CNTN5: variants seen among roughly 807,000 people sequenced by gnomAD.
CNTN5 encodes the protein contactin 5.
Under a neutral mutation model 129.1 loss-of-function variants are expected in CNTN5, and 77 were observed. The ratio of observed to expected loss-of-function variants is 0.60; its 90% CI spans 0.50 to 0.72. CNTN5 has a LOEUF of 0.72. CNTN5 is among the 30% of genes least tolerant of loss of function. CNTN5 has a pLI of 0.00. For missense variants in CNTN5, 1,478 were observed against 1,328.8 expected (o/e 1.11, Z -1.75); for synonymous variants, 509 against 465.6 (o/e 1.09, Z -1.20).
intron 7 of CNTN5, among the ~76,000 whole-genome samples, chr11:99,926,307 T>A (rs1950061297): frequency 6.6e-6 from 1 of 152,092 alleles, no homozygotes; most frequent in South Asian, 2.1e-4. Flanking sequence ...TCTCAGAGTT[T>A]AAGAAGGGGA....
chr11:100,349,831 A>T (rs1368430488), intron 23 of CNTN5, among the ~76,000 whole-genome samples: 1 of 151,838 alleles, frequency 6.6e-6, no homozygotes, highest in African/African-American at 2.4e-5. Context: ...CAATATAGTA[A>T]AATAGCTCTG....
intron 23 of CNTN5, among the ~76,000 whole-genome samples, chr11:100,344,869 G>A (rs1952244535): frequency 6.6e-6 from 1 of 151,916 alleles, no homozygotes; most frequent in South Asian, 2.1e-4. Flanking sequence ...AGATAAATGT[G>A]CATTAATACC....
intron 15 of CNTN5, among the ~76,000 whole-genome samples, chr11:100,213,313 C>T (rs745974786): frequency 6.6e-6 from 1 of 152,082 alleles, no homozygotes; most frequent in Admixed American, 6.6e-5. Flanking sequence ...ATTCTAAATG[C>T]ACCTGTCAAT....
At chr11:99,467,292 A>G (rs1289555792) in intron 2 of CNTN5, among the ~76,000 whole-genome samples, 4 of 152,102 alleles carry the variant, frequency 2.6e-5, no homozygotes, top group Non-Finnish European at 4.4e-5. Context: ...TGAAAATGCT[A>G]TCCTGCAGTT....
At chr11:100,297,578 G>A (rs200913907) in intron 18 of CNTN5, 47 bp from the exon 19 acceptor site, 4 of 1,268,164 alleles carry the variant, frequency 3.2e-6, no homozygotes, top group Admixed American at 2.3e-5. Flanking sequence ...ATCCAACGTA[G>A]GTTGGGAGTT....
intron 3 of CNTN5, among the ~76,000 whole-genome samples, chr11:99,786,330 A>G (rs955812228): frequency 1.3e-5 from 2 of 152,104 alleles, no homozygotes; most frequent in Non-Finnish European, 2.9e-5. Context: ...GGAGAACTAC[A>G]AACCGCTGCT....
chr11:99,284,615 G>A, intron 1 of CNTN5, among the ~76,000 whole-genome samples: 1 of 62,672 alleles, frequency 1.6e-5, no homozygotes, highest in Non-Finnish European at 3.4e-5. Context: ...GTGTGTGTGT[G>A]TGTGTGTGTG....
intron 18 of CNTN5, among the ~76,000 whole-genome samples, chr11:100,276,547 AAAAAAGG>A (rs1254678995): frequency 1.3e-5 from 2 of 149,476 alleles, no homozygotes; most frequent in African/African-American, 2.5e-5. Context: ...AAAAAAAAAA[AAAAAAGG>A]AAAGAAACAC....
At chr11:99,448,822 G>C (rs1379785356) in intron 2 of CNTN5, among the ~76,000 whole-genome samples, 1 of 148,310 alleles carries the variant, frequency 6.7e-6, no homozygotes, top group Non-Finnish European at 1.5e-5. Flanking sequence ...TTGTTGCCCA[G>C]GCTGGAGAGT....
intron 1 of CNTN5, among the ~76,000 whole-genome samples, chr11:99,200,652 A>G (rs1859123321): frequency 6.6e-6 from 1 of 152,210 alleles, no homozygotes; most frequent in Non-Finnish European, 1.5e-5. Flanking sequence ...CTGCTTAGCC[A>G]TCATGATATA....
intron 6 of CNTN5, among the ~76,000 whole-genome samples, chr11:99,881,514 T>C (rs1022476565): frequency 1.3e-5 from 2 of 152,210 alleles, no homozygotes; most frequent in Non-Finnish European, 2.9e-5. Flanking sequence ...TCCACTATTA[T>C]GAATTACAGC....
chr11:99,362,844 T>A (rs1436578368), intron 2 of CNTN5, among the ~76,000 whole-genome samples: 1 of 152,128 alleles, frequency 6.6e-6, no homozygotes, highest in Non-Finnish European at 1.5e-5. Context: ...GTAAAGTTTA[T>A]TTCTATGCTG....
intron 20 of CNTN5, among the ~76,000 whole-genome samples, chr11:100,302,656 T>C (rs10791312): frequency 0.26 from 38,753 of 151,288 alleles, 6,266 homozygotes; most frequent in East Asian, 0.64. Flanking sequence ...AGAATTTATG[T>C]TATTGGGAGG....
intron 2 of CNTN5, among the ~76,000 whole-genome samples, chr11:99,346,385 A>G (rs1937872874): frequency 6.6e-6 from 1 of 152,188 alleles, no homozygotes; most frequent in East Asian, 1.9e-4. Flanking sequence ...TCTCATCTCC[A>G]CCAATACTCA....
chr11:99,347,332 C>T (rs968110336), intron 2 of CNTN5, among the ~76,000 whole-genome samples: 3 of 152,002 alleles, frequency 2.0e-5, no homozygotes, highest in South Asian at 2.1e-4. Context: ...TGACACAGGG[C>T]GTGGGAAGTG....
intron 3 of CNTN5, among the ~76,000 whole-genome samples, chr11:99,640,285 C>G (rs604534): frequency 0.6 from 91,440 of 152,024 alleles, 28,329 homozygotes; most frequent in Admixed American, 0.69. Context: ...TTGTTTTCAC[C>G]CTGCTGATAA....
intron 1 of CNTN5, among the ~76,000 whole-genome samples, chr11:99,150,895 G>T (rs1428495547): frequency 1.3e-5 from 2 of 151,976 alleles, no homozygotes; most frequent in African/African-American, 4.8e-5. Context: ...GGATATTATT[G>T]AAAAATTGGT....
chr11:99,425,467 T>A (rs1943077735), intron 2 of CNTN5, among the ~76,000 whole-genome samples: 1 of 152,210 alleles, frequency 6.6e-6, no homozygotes, highest in Non-Finnish European at 1.5e-5. Flanking sequence ...ACCCCTTGCC[T>A]CTCTGCTGTG....
intron 6 of CNTN5, among the ~76,000 whole-genome samples, chr11:99,886,611 A>G (rs1464058745): frequency 6.6e-6 from 1 of 152,198 alleles, no homozygotes; most frequent in African/African-American, 2.4e-5. Flanking sequence ...ACCATGAGAC[A>G]TATAAAAGAC....
Sources: gnomAD v4.1 joint callset for allele counts (sites outside exome capture counted in the v4.1 genomes callset) on GRCh38, gnomAD v4.1.1 for gene constraint, MANE v1.5 for transcripts, NCBI Gene and HGNC (gene_info 2026-07-23, HGNC 2026-07-21) for gene names.